DPP6: variants seen among roughly 807,000 people sequenced by gnomAD.
The protein encoded by DPP6 is A-type potassium channel modulatory protein DPP6.
In DPP6, 69 loss-of-function variants were observed where a neutral mutation model predicts 122.6. That is an observed-to-expected ratio of 0.56 (90% CI 0.46 to 0.69). DPP6 has a LOEUF of 0.69. DPP6 is among the 30% of genes least tolerant of loss of function. DPP6 has a pLI of 0.00. For synonymous variants in DPP6, 418 were observed against 433.1 expected (o/e 0.97, Z 0.43); for missense variants, 928 against 1,116.9 (o/e 0.83, Z 2.41).
intron 7 of DPP6, among the ~76,000 whole-genome samples, chr7:154,682,268 A>C (rs535199931): frequency 1.3e-5 from 2 of 152,372 alleles, no homozygotes; most frequent in African/African-American, 4.8e-5. Flanking sequence ...TCTTAAAAGG[A>C]AGATAGAGAG....
chr7:153,919,515 G>GA lies in DPP6; in HGVS notation c.51+31789dup, dbSNP rs752867040. 2.0e-4 allele frequency among the ~76,000 whole-genome samples: 30 copies of GA among 150,144 alleles called. No individual in the cohort carries two copies. The East Asian group carries it at 2.3e-3, about 12-fold the overall frequency. The stretch of plus-strand genomic sequence containing the variant: ...AAGTTGAATGGTTGTCTACTTTGAT[G>GA]AAAAAAAATGTGTTTAATAGAGGAC... On this transcript the variant is annotated intron_variant, in intron 1 of 25. Coordinates refer to the DPP6 transcript ENST00000404039.
intron 1 of DPP6, among the ~76,000 whole-genome samples, chr7:154,067,905 TTGTTTTTTTTTTGTTTGTTTGTTTGTTTG>T (rs1471485770): frequency 6.9e-6 from 1 of 144,966 alleles, no homozygotes; most frequent in African/African-American, 2.9e-5. Context: ...AGGTTTTTTT[TTGTTTTTTTTTTGTTTGTTTGTTTGTTTG>T]TTTTTTTGAT....
rs371435020 is a variant in DPP6 at position 154,266,142 on chromosome 7, A to G, written c.244-180072A>G. Among the ~76,000 whole-genome samples the G allele has an allele frequency of 6.6e-5, 10 of 152,292 alleles. No homozygotes were observed. The East Asian group carries it at 1.2e-3, about 18-fold the overall frequency. ...TGTTGTCGTTTCCTTCTGAGTATCT[A>G]TAGGTGATTAACTAAACCGATCAGA... is the stretch of plus-strand genomic sequence containing the variant. On this transcript the variant is annotated intron_variant, in intron 1 of 25. Transcript: ENST00000377770.
rs1470363043 is a variant in DPP6 at position 153,901,435 on chromosome 7, G to A, written c.51+13701G>A. 2.0e-5 allele frequency among the ~76,000 whole-genome samples: 3 copies of A among 152,192 alleles called. No individual in the cohort carries two copies. In the East Asian group the frequency reaches 5.8e-4, roughly 29 times the overall value. Reference sequence around the variant, plus strand: ...TAAAGGTCGAAACCCTCTTTTCCCAGACCACCATAGTGGGTAGGTACAGAA... The same window carrying A: ...TAAAGGTCGAAACCCTCTTTTCCCAAACCACCATAGTGGGTAGGTACAGAA... On this transcript the variant is annotated intron_variant, in intron 1 of 25. Coordinates refer to the DPP6 transcript ENST00000404039.
At chr7:154,682,928 T>C (rs1276116656) in intron 7 of DPP6, among the ~76,000 whole-genome samples, 1 of 152,230 alleles carries the variant, frequency 6.6e-6, no homozygotes, top group African/African-American at 2.4e-5. Context: ...TTTGGTTTTT[T>C]TTTAGACTGT....
At chr7:153,901,321 T>C (rs1402039770) in intron 1 of DPP6, among the ~76,000 whole-genome samples, 1 of 152,196 alleles carries the variant, frequency 6.6e-6, no homozygotes, top group Non-Finnish European at 1.5e-5. Flanking sequence ...TCATGGAAAT[T>C]AGTTCCTTGA....
intron 1 of DPP6, among the ~76,000 whole-genome samples, chr7:154,331,135 T>C (rs75776662): frequency 0.025 from 3,768 of 152,210 alleles, 139 homozygotes; most frequent in African/African-American, 0.084. Flanking sequence ...CCCTCAGGTA[T>C]TTTAGACCCC....
chr7:153,896,163 CAT>C (rs796327170), intron 1 of DPP6, among the ~76,000 whole-genome samples: 8 of 152,306 alleles, frequency 5.3e-5, no homozygotes, highest in African/African-American at 1.9e-4. Flanking sequence ...TTAAGCCACA[CAT>C]AGTTTTATTT....
intron 3 of DPP6, among the ~76,000 whole-genome samples, chr7:154,500,623 A>G (rs1048585548): frequency 6.6e-6 from 1 of 152,172 alleles, no homozygotes; most frequent in Non-Finnish European, 1.5e-5. Context: ...CCGCTGCCAT[A>G]TGAGACATGC....
At chr7:154,823,679 A>C (rs1799948370) in intron 16 of DPP6, among the ~76,000 whole-genome samples, 1 of 152,246 alleles carries the variant, frequency 6.6e-6, no homozygotes, top group South Asian at 2.1e-4. Flanking sequence ...TTCTCCAGGC[A>C]GAAACTAGAG....
At chr7:154,060,117 G>GA (rs1801490832) in intron 1 of DPP6, among the ~76,000 whole-genome samples, 1 of 147,356 alleles carries the variant, frequency 6.8e-6, no homozygotes, top group Non-Finnish European at 1.5e-5. Context: ...TCCCGAGGCG[G>GA]GACTGCAAAC....
chr7:153,840,475 C>A, the DPP6 span, among the ~76,000 whole-genome samples: 1 of 148,636 alleles, frequency 6.7e-6, no homozygotes, highest in Admixed American at 6.7e-5. Flanking sequence ...TTTCTGAGAG[C>A]AGAATAAAGA....
chr7:154,568,210 G>T (rs980331935), intron 5 of DPP6, among the ~76,000 whole-genome samples: 3 of 152,168 alleles, frequency 2.0e-5, no homozygotes, highest in Non-Finnish European at 4.4e-5. Flanking sequence ...GACCATTTCA[G>T]CTTCCTTCAT....
chr7:154,773,075 G>C, intron 10 of DPP6, 133 bp downstream of exon 10: 1 of 1,203,708 alleles, frequency 8.3e-7, no homozygotes, highest in Admixed American at 3.3e-5. Flanking sequence ...CTTTCCTAAA[G>C]ATTTCCTCAC....
chr7:153,822,887 A>G, the DPP6 span, among the ~76,000 whole-genome samples: 1 of 152,212 alleles, frequency 6.6e-6, no homozygotes, highest in Non-Finnish European at 1.5e-5. Context: ...CCTTCTATGT[A>G]TCACTTAAAT....
intron 1 of DPP6, among the ~76,000 whole-genome samples, chr7:154,165,821 G>A (rs1174235526): frequency 1.3e-5 from 2 of 152,174 alleles, no homozygotes; most frequent in Non-Finnish European, 2.9e-5. Flanking sequence ...AGAAGTATCT[G>A]TTCATGTCCT....
intron 1 of DPP6, among the ~76,000 whole-genome samples, chr7:154,078,589 A>C (rs1426295420): frequency 3.9e-5 from 6 of 152,302 alleles, no homozygotes; most frequent in Admixed American, 2.6e-4. Context: ...GCACTTAGTG[A>C]AGGAAATATG....
At chr7:153,761,642 A>G in the DPP6 span, among the ~76,000 whole-genome samples, 1 of 152,164 alleles carries the variant, frequency 6.6e-6, no homozygotes, top group Admixed American at 6.5e-5. Flanking sequence ...ACTTATGGTC[A>G]AAAGCTAATA....
At chr7:154,769,381 T>C (rs1563189818) in intron 8 of DPP6, 36 bp from the exon 9 acceptor site, 4 of 1,611,538 alleles carry the variant, frequency 2.5e-6, no homozygotes, top group Non-Finnish European at 3.4e-6. Flanking sequence ...CACTCACTTG[T>C]TACTATTCAC....
Sources: allele counts gnomAD v4.1 joint callset (sites outside exome capture counted in the v4.1 genomes callset), GRCh38; gene constraint gnomAD v4.1.1; transcripts MANE v1.5; gene names NCBI Gene and HGNC (gene_info 2026-07-23, HGNC 2026-07-21).